ME2: variants seen among roughly 807,000 people sequenced by gnomAD.
ME2 encodes the protein NAD-dependent malic enzyme, mitochondrial.
ME2 carries 60 observed loss-of-function variants against 73.7 expected under a neutral mutation model. That is an observed-to-expected ratio of 0.81 (90% confidence interval 0.66 to 1.01). ME2 has a LOEUF of 1.01. Among genes scored for constraint, ME2 ranks in the 50% least tolerant of loss-of-function variants. ME2 has a pLI of 0.00. For missense variants in ME2, 594 were observed against 705.5 expected (o/e 0.84, Z 1.79); for synonymous variants, 199 against 236.9 (o/e 0.84, Z 1.47).
intron 7 of ME2, among the ~76,000 whole-genome samples, chr18:50,919,694 C>T (rs1917375372): frequency 6.6e-6 from 1 of 152,142 alleles, no homozygotes; most frequent in Non-Finnish European, 1.5e-5. Context: ...CCAATATGAG[C>T]TACGTATCAC....
chr18:50,942,522 G>A (rs1040555035), intron 15 of ME2, among the ~76,000 whole-genome samples: 1 of 152,102 alleles, frequency 6.6e-6, no homozygotes, highest in Non-Finnish European at 1.5e-5. Context: ...AATTGGTGAA[G>A]TTGGGTCTTT....
chr18:50,924,283 G>A (rs1917497187), intron 11 of ME2, 71 bp downstream of exon 11: 1 of 1,013,426 alleles, frequency 9.9e-7, no homozygotes, highest in South Asian at 1.5e-5. Context: ...TACCATGTAG[G>A]ATTACTAAAA....
rs561608978 is a variant in ME2, at chr18:50,900,216, G to GT, written c.108+4299dup. Among the ~76,000 whole-genome samples, 1,004 of 145,730 alleles carry GT rather than the reference G, an allele frequency of 6.9e-3. 3 individuals are homozygous for GT. The highest frequency in any genetic ancestry group is 0.042 in the South Asian group (193 of 4,640). The stretch of plus-strand genomic sequence containing the variant: ...AAAGTCTTAAAAATTGAGTGATGCA[G>GT]TTTTTTTTTTTAAATAAGAATAGGG... On this transcript the variant is annotated intron_variant, in intron 2 of 15. Transcript: ENST00000321341.
intron 14 of ME2, 143 bp from the exon 15 acceptor site, chr18:50,940,145 A>G: frequency 3.1e-6 from 2 of 648,434 alleles, no homozygotes; most frequent in South Asian, 2.0e-5. Context: ...TAATTTCTGC[A>G]GTGGTTTAAG....
intron 12 of ME2, 82 bp downstream of exon 12, chr18:50,925,980 T>A: frequency 1.0e-6 from 1 of 992,438 alleles, no homozygotes; most frequent in Non-Finnish European, 1.5e-6. Context: ...ACCATTGTTC[T>A]AATGGTTTCC....
intron 7 of ME2, 140 bp from the exon 8 acceptor site, chr18:50,920,316 A>AAATTTTTCAGAT: frequency 1.7e-6 from 1 of 593,006 alleles, no homozygotes; most frequent in Non-Finnish European, 2.9e-6. Context: ...AGTCTTTCAC[A>AAATTTTTCAGAT]GGCTCTGAAA....
At chr18:50,936,695 A>G (rs1030932874) in intron 13 of ME2, among the ~76,000 whole-genome samples, 7 of 152,074 alleles carry the variant, frequency 4.6e-5, no homozygotes, top group Admixed American at 6.6e-5. Context: ...GGATGTCAAG[A>G]TGGGAGGATC....
chr18:50,940,996 A>T (rs1455634859), intron 15 of ME2, among the ~76,000 whole-genome samples: 1 of 151,996 alleles, frequency 6.6e-6, no homozygotes, highest in African/African-American at 2.4e-5. Context: ...AGTGGCTTAC[A>T]CCTGTAATCC....
chr18:50,908,230 G>T, intron 3 of ME2, 34 bp downstream of exon 3: 2 of 1,502,070 alleles, frequency 1.3e-6, no homozygotes, highest in Non-Finnish European at 9.0e-7. Flanking sequence ...TTTTTTATTG[G>T]TATTCTGATT....
At chr18:50,893,124 C>CAAAAAAAAAAAAAAAAAAAAAAAA (rs56104427) in intron 1 of ME2, among the ~76,000 whole-genome samples, 3 of 78,124 alleles carry the variant, frequency 3.8e-5, no homozygotes, top group Non-Finnish European at 7.1e-5. Flanking sequence ...GACTCTATCT[C>CAAAAAAAAAAAAAAAAAAAAAAAA]AAAAAAAAAA....
chr18:50,943,293 A>G lies in ME2; in HGVS notation c.1587+2907A>G, dbSNP rs1269196834. ...TTTTATCATTTTGACTATTAAATTT[A>G]TTTATTTATTTATTTATTTATTTTG... is the stretch of plus-strand genomic sequence containing the variant. On this transcript the variant is annotated intron_variant, in intron 15 of 15. Transcript: ENST00000321341. Among the ~76,000 whole-genome samples the G allele has an allele frequency of 4.6e-5, 7 of 151,712 alleles. No homozygotes were observed. In the East Asian group the frequency reaches 1.4e-3, roughly 29 times the overall value.
chr18:50,920,305 T>C (rs1917391101), intron 7 of ME2, 151 bp from the exon 8 acceptor site: 3 of 572,620 alleles, frequency 5.2e-6, no homozygotes, highest in Non-Finnish European at 9.1e-6. Flanking sequence ...ATTTTGGATC[T>C]AGTCTTTCAC....
chr18:50,888,756 G>C (rs999584114), intron 1 of ME2, among the ~76,000 whole-genome samples: 7 of 152,058 alleles, frequency 4.6e-5, no homozygotes, highest in Non-Finnish European at 7.4e-5. Flanking sequence ...AAGGGTATCA[G>C]GGTCATAACA....
At chr18:50,915,296 A>G (rs963434950) in intron 4 of ME2, 6 of 152,290 alleles carry the variant, frequency 3.9e-5, no homozygotes, top group African/African-American at 9.7e-5. Context: ...GGAGTTCGAG[A>G]CCAGCCTGGC....
chr18:50,899,400 A>G (rs897085702), intron 2 of ME2, among the ~76,000 whole-genome samples: 2 of 152,106 alleles, frequency 1.3e-5, no homozygotes, highest in African/African-American at 2.4e-5. Flanking sequence ...CTTGGGGTCA[A>G]GAGTTTGAGA....
At chr18:50,943,956 C>T (rs186743334) in intron 15 of ME2, among the ~76,000 whole-genome samples, 19 of 152,202 alleles carry the variant, frequency 1.2e-4, no homozygotes, top group African/African-American at 4.1e-4. Context: ...TGGCTCACTC[C>T]TGTAATCACA....
intron 5 of ME2, 104 bp from the exon 6 acceptor site, chr18:50,917,243 G>T: frequency 1.2e-6 from 1 of 857,654 alleles, no homozygotes; most frequent in South Asian, 2.2e-5. Context: ...TTATTTTTAA[G>T]AGCAAAGAGT....
intron 1 of ME2, among the ~76,000 whole-genome samples, chr18:50,890,753 C>T (rs1480724273): frequency 6.6e-6 from 1 of 152,124 alleles, no homozygotes. Flanking sequence ...GTTTTAATTA[C>T]ATATATTACA....
intron 1 of ME2, among the ~76,000 whole-genome samples, chr18:50,886,130 ATATATT>A (rs1333542828): frequency 6.6e-5 from 10 of 151,112 alleles, no homozygotes; most frequent in Non-Finnish European, 1.0e-4. Context: ...GTGTGTGTGT[ATATATT>A]TATACTATAT....
Sources: allele counts gnomAD v4.1 joint callset (sites outside exome capture counted in the v4.1 genomes callset), GRCh38; gene constraint gnomAD v4.1.1; transcripts MANE v1.5; gene names NCBI Gene and HGNC (gene_info 2026-07-23, HGNC 2026-07-21).